Variants in CCDC191 observed in about 807,000 individuals in gnomAD.
CCDC191 encodes the protein coiled-coil domain-containing protein 191.
A neutral mutation model predicts 114.0 loss-of-function variants in CCDC191; 99 were observed. The ratio of observed to expected loss-of-function variants is 0.87; its 90% confidence interval spans 0.74 to 1.03. The LOEUF is 1.03. CCDC191 is among the 50% of genes least tolerant of loss of function. The pLI is 0.00. For missense variants in CCDC191, 973 were observed against 1,087.0 expected, an observed-to-expected ratio of 0.90 and a Z score of 1.47; for synonymous variants, 351 against 376.0, an observed-to-expected ratio of 0.93 and a Z score of 0.77.
At chr3:113,983,860 T>C (rs1028432842) in intron 13 of CCDC191, among the ~76,000 whole-genome samples, 1 of 152,222 alleles carries the variant, frequency 6.6e-6, no homozygotes, top group African/African-American at 2.4e-5. Flanking sequence ...ATAAAAGTTA[T>C]TGCCTGTTAA....
intron 4 of CCDC191, among the ~76,000 whole-genome samples, chr3:114,038,892 G>T (rs149130799): frequency 2.0e-5 from 3 of 152,144 alleles, no homozygotes; most frequent in Non-Finnish European, 2.9e-5. Context: ...TGGGTGGCAG[G>T]GGGAGGAAGA....
chr3:114,023,523 A>G (rs2076273813), intron 7 of CCDC191, among the ~76,000 whole-genome samples: 1 of 152,214 alleles, frequency 6.6e-6, no homozygotes, highest in Non-Finnish European at 1.5e-5. Context: ...GACCAATGGA[A>G]CAGAACAGAG....
At chr3:114,041,136 A>G (rs2076554022) in intron 4 of CCDC191, among the ~76,000 whole-genome samples, 1 of 152,178 alleles carries the variant, frequency 6.6e-6, no homozygotes, top group Admixed American at 6.5e-5. Context: ...ACTATATCAA[A>G]AGAAGTAATA....
intron 4 of CCDC191, among the ~76,000 whole-genome samples, chr3:114,039,959 T>A (rs1002353444): frequency 3.1e-4 from 47 of 152,348 alleles, no homozygotes; most frequent in Middle Eastern, 6.8e-3. Context: ...CAGTAGCGTA[T>A]TTTAATATCC....
At chr3:114,022,144 C>T (rs558201841) in intron 7 of CCDC191, among the ~76,000 whole-genome samples, 1 of 152,206 alleles carries the variant, frequency 6.6e-6, no homozygotes, top group African/African-American at 2.4e-5. Flanking sequence ...ACAAAATCTT[C>T]CACAATACAT....
intron 13 of CCDC191, among the ~76,000 whole-genome samples, chr3:113,994,464 C>G (rs1178969401): frequency 6.6e-6 from 1 of 151,932 alleles, no homozygotes; most frequent in Non-Finnish European, 1.5e-5. Flanking sequence ...GGTGCAGCCT[C>G]TTTGGAATAG....
intron 9 of CCDC191, among the ~76,000 whole-genome samples, chr3:114,006,629 T>C (rs62267066): frequency 7.5e-6 from 1 of 133,770 alleles, no homozygotes; most frequent in Non-Finnish European, 1.7e-5. Flanking sequence ...AATATATATA[T>C]TTTATATATA....
chr3:114,053,646 C>T lies in CCDC191; in HGVS notation c.91-11G>A, dbSNP rs756621690. 1.9e-5 allele frequency: 30 copies of T among 1,568,798 alleles called. No homozygotes were observed. The highest frequency in any genetic ancestry group is 2.5e-5 in the Non-Finnish European group (29 of 1,143,738). On this transcript the variant is annotated splice_polypyrimidine_tract_variant and intron_variant, in intron 1 of 16. Coordinates refer to ENST00000295878, the MANE Select transcript of CCDC191 (RefSeq NM_020817.2). ...AGGACCAAAAGTAGGCTGTAGATAACATATATATGATATCAATACGCAGCA... is the reference window on the plus strand; with the variant it reads ...AGGACCAAAAGTAGGCTGTAGATAATATATATATGATATCAATACGCAGCA...
chr3:114,004,339 C>A, intron 11 of CCDC191: 1 of 1,011,010 alleles, frequency 9.9e-7, no homozygotes, highest in Non-Finnish European at 1.2e-6. Context: ...TGTAATTATT[C>A]CTTTTTTTTT....
At chr3:114,016,159 T>C (rs1176103880) in intron 8 of CCDC191, among the ~76,000 whole-genome samples, 1 of 152,162 alleles carries the variant, frequency 6.6e-6, no homozygotes, top group Non-Finnish European at 1.5e-5. Flanking sequence ...TAATAAGTAA[T>C]TTCAATGTCC....
intron 13 of CCDC191, among the ~76,000 whole-genome samples, chr3:113,991,238 A>G (rs575766020): frequency 6.6e-6 from 1 of 151,032 alleles, no homozygotes; most frequent in Non-Finnish European, 1.5e-5. Flanking sequence ...TCCAAAAAAA[A>G]AAAAAAGAAA....
intron 9 of CCDC191, 56 bp downstream of exon 9, chr3:114,010,716 C>T: frequency 6.5e-7 from 1 of 1,530,938 alleles, no homozygotes; most frequent in East Asian, 2.3e-5. Flanking sequence ...GACATACCAG[C>T]TATAAAAGCA....
intron 6 of CCDC191, among the ~76,000 whole-genome samples, chr3:114,034,704 A>G (rs1020143468): frequency 4.6e-5 from 7 of 152,200 alleles, no homozygotes; most frequent in Non-Finnish European, 4.4e-5. Flanking sequence ...AGAATTACAA[A>G]TTAAATGTAC....
At position 114,010,784 on chromosome 3, in the gene CCDC191, T is replaced by C. The variant is rs1220716763; in HGVS notation, c.1401A>G (p.Val467=). 3.1e-6 allele frequency: 5 copies of C among 1,607,084 alleles called. No homozygotes were observed. In the South Asian group the frequency reaches 4.4e-5, roughly 14 times the overall value. Residue 467 remains valine (V), a synonymous_variant, in exon 9 of 17, where the codon GTA becomes GTG. Coordinates refer to ENST00000295878, the MANE Select transcript of CCDC191 (RefSeq NM_020817.2). ...AAAAACAACGTACCTGTCCATTTTT[T>C]ACTGGTGGACCCACCATGGCTGTTG... is the stretch of plus-strand genomic sequence containing the variant. ...EEATAMVGPP[V]KNGQETAVPP... is the part of the protein sequence containing the mutation.
At chr3:113,975,329 T>C (rs1236101335) in intron 16 of CCDC191, among the ~76,000 whole-genome samples, 1 of 152,216 alleles carries the variant, frequency 6.6e-6, no homozygotes, top group African/African-American at 2.4e-5. Context: ...CCAATAGATG[T>C]CTCTCCTTCC....
At chr3:114,044,290 G>C (rs1011475557) in intron 3 of CCDC191, among the ~76,000 whole-genome samples, 1 of 152,108 alleles carries the variant, frequency 6.6e-6, no homozygotes, top group Non-Finnish European at 1.5e-5. Context: ...ATTGAGGTAG[G>C]AGGAAAATCA....
chr3:114,037,356 A>G (rs552739807), intron 4 of CCDC191, among the ~76,000 whole-genome samples: 1 of 152,162 alleles, frequency 6.6e-6, no homozygotes, highest in South Asian at 2.1e-4. Context: ...ACTATATATT[A>G]GTTTTCATTT....
chr3:113,972,328 ATTGACCCATTGG>A (rs1940905134), intron 16 of CCDC191, among the ~76,000 whole-genome samples: 1 of 151,994 alleles, frequency 6.6e-6, no homozygotes, highest in Non-Finnish European at 1.5e-5. Context: ...TAATTTCTTC[ATTGACCCATTGG>A]TTGTTCAGGA....
intron 13 of CCDC191, among the ~76,000 whole-genome samples, chr3:113,988,671 A>G (rs1363031238): frequency 2.6e-5 from 4 of 151,984 alleles, no homozygotes; most frequent in Admixed American, 6.6e-5. Context: ...AGTTTTATCA[A>G]TAATCACTTT....
Sources: gnomAD v4.1 joint callset for allele counts (sites outside exome capture counted in the v4.1 genomes callset) on GRCh38, gnomAD v4.1.1 for gene constraint, MANE v1.5 for transcripts, NCBI Gene and HGNC (gene_info 2026-07-23, HGNC 2026-07-21) for gene names.